EDIL3: variants seen among roughly 807,000 people sequenced by gnomAD.
EDIL3 encodes the protein EGF-like repeat and discoidin I-like domain-containing protein 3.
A neutral mutation model predicts 67.4 loss-of-function variants in EDIL3; 37 were observed. The observed-to-expected ratio is 0.55, with a 90% CI of 0.42 to 0.72. The LOEUF is 0.72. Ranked by LOEUF, EDIL3 falls within the 30% of genes least tolerant of loss-of-function variation. The pLI is 0.00. For synonymous variants in EDIL3, 195 were observed against 196.3 expected (o/e 0.99, Z 0.05); for missense variants, 527 against 586.3 (o/e 0.90, Z 1.04).
chr5:84,126,376 G>C (rs536902296), intron 5 of EDIL3, among the ~76,000 whole-genome samples: 231 of 152,060 alleles, frequency 1.5e-3, no homozygotes, highest in Non-Finnish European at 2.7e-3. Flanking sequence ...TGTCAGTCTG[G>C]TGAAGCCTAA....
rs1447696854 is a variant in EDIL3, at chr5:84,181,478, T to G, written c.227-957A>C. 1.2e-4 allele frequency among the ~76,000 whole-genome samples: 19 copies of G among 152,180 alleles called. 1 individual carries two copies. The highest frequency in any genetic ancestry group is 1.2e-3 in the Admixed American group (19 of 15,270). ...GGTGCCCCAATGGTGTGGCTGAGAT[T>G]TTTCTTAAAACCATAGCAGTTTGAG... On this transcript the variant is annotated intron_variant, in intron 3 of 10. Transcript: ENST00000296591.
intron 9 of EDIL3, among the ~76,000 whole-genome samples, chr5:84,044,624 T>A (rs528958435): frequency 1.3e-5 from 2 of 152,294 alleles, no homozygotes; most frequent in Admixed American, 1.3e-4. Flanking sequence ...AGTGGAACTA[T>A]CTGAAGAAAG....
At chr5:84,317,163 G>A (rs540109801) in intron 1 of EDIL3, among the ~76,000 whole-genome samples, 1 of 152,264 alleles carries the variant, frequency 6.6e-6, no homozygotes, top group East Asian at 1.9e-4. Flanking sequence ...AAGGAGGAAA[G>A]ATCTAAAATC....
At chr5:84,356,892 T>TC (rs1483427879) in intron 1 of EDIL3, among the ~76,000 whole-genome samples, 13 of 137,592 alleles carry the variant, frequency 9.4e-5, no homozygotes, top group South Asian at 7.4e-4. Flanking sequence ...TTTCTTTCTT[T>TC]TTTTTTTTTT....
At chr5:83,965,415 C>T (rs1744671822) in intron 9 of EDIL3, among the ~76,000 whole-genome samples, 1 of 152,074 alleles carries the variant, frequency 6.6e-6, no homozygotes, top group African/African-American at 2.4e-5. Flanking sequence ...GGCAAAGCTG[C>T]TCTTCTTCAA....
At chr5:84,182,494 G>A (rs978026899) in intron 3 of EDIL3, among the ~76,000 whole-genome samples, 38 of 151,624 alleles carry the variant, frequency 2.5e-4, no homozygotes, top group African/African-American at 9.2e-4. Flanking sequence ...AAACAAACTT[G>A]TGAATAGGAA....
chr5:83,985,674 G>A (rs1279629415), intron 9 of EDIL3, among the ~76,000 whole-genome samples: 1 of 151,886 alleles, frequency 6.6e-6, no homozygotes, highest in Non-Finnish European at 1.5e-5. Flanking sequence ...ATGTCTGTCT[G>A]AACTCTCTTG....
intron 3 of EDIL3, among the ~76,000 whole-genome samples, chr5:84,199,908 G>A (rs1010134423): frequency 3.3e-5 from 5 of 152,012 alleles, no homozygotes; most frequent in African/African-American, 1.2e-4. Flanking sequence ...GTTAGCAAGG[G>A]CTTATAGCCA....
chr5:84,113,947 A>G (rs1193840571), intron 5 of EDIL3, among the ~76,000 whole-genome samples: 1 of 152,164 alleles, frequency 6.6e-6, no homozygotes, highest in Non-Finnish European at 1.5e-5. Flanking sequence ...TGAATGGATT[A>G]GTGATGACCT....
chr5:84,281,685 A>C (rs1387785865), intron 1 of EDIL3, among the ~76,000 whole-genome samples: 1 of 152,120 alleles, frequency 6.6e-6, no homozygotes, highest in Non-Finnish European at 1.5e-5. Context: ...GATGCTCTCT[A>C]ATCTAATCCT....
chr5:84,139,104 G>A (rs1035450887), intron 4 of EDIL3, among the ~76,000 whole-genome samples: 3 of 152,110 alleles, frequency 2.0e-5, no homozygotes, highest in African/African-American at 7.2e-5. Flanking sequence ...TGGTGTGGTG[G>A]CGTGTGCCTA....
chr5:84,263,913 G>A (rs1029680091), intron 1 of EDIL3, among the ~76,000 whole-genome samples: 3 of 152,134 alleles, frequency 2.0e-5, no homozygotes, highest in Non-Finnish European at 4.4e-5. Flanking sequence ...GGAGGAAGAT[G>A]TACCAGGAAG....
intron 4 of EDIL3, among the ~76,000 whole-genome samples, chr5:84,143,519 T>C (rs1179656552): frequency 1.3e-5 from 2 of 152,114 alleles, no homozygotes; most frequent in African/African-American, 2.4e-5. Flanking sequence ...TTAAGATCTT[T>C]ATTTAGATGC....
chr5:84,183,587 T>A (rs983522559), intron 3 of EDIL3, among the ~76,000 whole-genome samples: 3 of 152,176 alleles, frequency 2.0e-5, no homozygotes, highest in African/African-American at 7.2e-5. Context: ...AAATGTTCCC[T>A]AGAAACAACT....
At chr5:84,207,486 G>A (rs954513913) in intron 3 of EDIL3, among the ~76,000 whole-genome samples, 2 of 152,188 alleles carry the variant, frequency 1.3e-5, no homozygotes, top group Non-Finnish European at 2.9e-5. Flanking sequence ...GCAATTTATA[G>A]ATTCAATGCC....
intron 9 of EDIL3, among the ~76,000 whole-genome samples, chr5:84,025,003 A>T (rs446759): frequency 0.86 from 130,000 of 151,724 alleles, 56,353 homozygotes; most frequent in Non-Finnish European, 0.92. Context: ...TTGGAACTCC[A>T]ACTTTTAGCA....
At chr5:83,982,238 T>G (rs971635757) in intron 9 of EDIL3, among the ~76,000 whole-genome samples, 3 of 152,102 alleles carry the variant, frequency 2.0e-5, no homozygotes, top group Non-Finnish European at 4.4e-5. Context: ...GCATAATGCC[T>G]AGGTCAGAGC....
intron 9 of EDIL3, among the ~76,000 whole-genome samples, chr5:84,037,220 C>T (rs1267500927): frequency 6.6e-6 from 1 of 152,206 alleles, no homozygotes; most frequent in Non-Finnish European, 1.5e-5. Flanking sequence ...CCTTCTTTCT[C>T]CCTACTCAGC....
chr5:84,032,183 A>C (rs974105462), intron 9 of EDIL3, among the ~76,000 whole-genome samples: 2 of 152,328 alleles, frequency 1.3e-5, no homozygotes, highest in South Asian at 4.1e-4. Flanking sequence ...TTCCATATTG[A>C]ACATAATTAG....
Sources: gnomAD v4.1 joint callset for allele counts (sites outside exome capture counted in the v4.1 genomes callset) on GRCh38, gnomAD v4.1.1 for gene constraint, MANE v1.5 for transcripts, NCBI Gene and HGNC (gene_info 2026-07-23, HGNC 2026-07-21) for gene names.